PCDH15: variants seen among roughly 807,000 people sequenced by gnomAD.
PCDH15 encodes protocadherin related 15, also known as protocadherin-15.
PCDH15 carries 129 observed loss-of-function variants against 178.5 expected under a neutral mutation model. The observed-to-expected ratio is 0.72, with a 90% CI of 0.63 to 0.84. The LOEUF (loss-of-function observed/expected upper bound fraction) is 0.84, where lower values mean the gene tolerates loss of function less well. PCDH15 is among the 40% of genes least tolerant of loss of function. PCDH15 has a pLI of 0.00. For missense variants in PCDH15, 2,230 were observed against 2,099.9 expected, an observed-to-expected ratio of 1.06 and a Z score of -1.21; for synonymous variants, 800 against 732.0, an observed-to-expected ratio of 1.09 and a Z score of -1.50.
chr10:54,515,437 G>A (rs1270803080), intron 3 of PCDH15, among the ~76,000 whole-genome samples: 1 of 152,192 alleles, frequency 6.6e-6, no homozygotes, highest in Non-Finnish European at 1.5e-5. Flanking sequence ...AGGGGCGCTG[G>A]CCATTGCCGA....
intron 8 of PCDH15, among the ~76,000 whole-genome samples, chr10:54,295,457 T>C (rs2384441): frequency 0.72 from 110,056 of 151,956 alleles, 40,837 homozygotes; most frequent in Middle Eastern, 0.82. Flanking sequence ...TTTGGCTCTT[T>C]GCAATAAATC....
At chr10:54,060,236 T>C (rs1266993145) in intron 18 of PCDH15, among the ~76,000 whole-genome samples, 1 of 152,200 alleles carries the variant, frequency 6.6e-6, no homozygotes, top group Non-Finnish European at 1.5e-5. Context: ...TGACTATGAT[T>C]GTTTGTAGTG....
intron 2 of PCDH15, among the ~76,000 whole-genome samples, chr10:55,072,515 C>T (rs1841776072): frequency 1.3e-5 from 2 of 152,072 alleles, no homozygotes; most frequent in African/African-American, 4.8e-5. Flanking sequence ...GGATAAATTC[C>T]TCGACACATA....
chr10:55,528,418 T>A (rs927484749), intron 2 of PCDH15, among the ~76,000 whole-genome samples: 1 of 151,942 alleles, frequency 6.6e-6, no homozygotes, highest in Non-Finnish European at 1.5e-5. Flanking sequence ...GATGTTCCCC[T>A]TCCTGTGTCC....
At chr10:54,607,131 T>A (rs944953730) in intron 2 of PCDH15, 3 of 152,124 alleles carry the variant, frequency 2.0e-5, no homozygotes, top group Non-Finnish European at 4.4e-5. Flanking sequence ...ATTGCAATTT[T>A]AAAAAATTAA....
At chr10:55,259,303 G>C (rs1420699839) in intron 1 of PCDH15, among the ~76,000 whole-genome samples, 1 of 152,114 alleles carries the variant, frequency 6.6e-6, no homozygotes, top group Non-Finnish European at 1.5e-5. Context: ...GAATAAATCT[G>C]ATAGAAAATT....
At chr10:55,376,916 G>C (rs1474468343) in intron 2 of PCDH15, among the ~76,000 whole-genome samples, 2 of 151,958 alleles carry the variant, frequency 1.3e-5, no homozygotes, top group Non-Finnish European at 2.9e-5. Flanking sequence ...GTCTAGGCAA[G>C]AATGTTAAAT....
At chr10:54,482,762 C>A (rs1378779133) in intron 3 of PCDH15, among the ~76,000 whole-genome samples, 1 of 151,844 alleles carries the variant, frequency 6.6e-6, no homozygotes, top group Non-Finnish European at 1.5e-5. Flanking sequence ...CCATATATCA[C>A]CCCTCACACA....
intron 3 of PCDH15, among the ~76,000 whole-genome samples, chr10:54,414,063 T>C (rs544716833): frequency 2.6e-4 from 39 of 152,240 alleles, no homozygotes; most frequent in Non-Finnish European, 5.1e-4. Context: ...AAACAACACT[T>C]GTACCCCTTA....
At chr10:54,618,173 T>C (rs992938512) in intron 2 of PCDH15, among the ~76,000 whole-genome samples, 1 of 152,094 alleles carries the variant, frequency 6.6e-6, no homozygotes, top group Non-Finnish European at 1.5e-5. Flanking sequence ...ATAGACAAAG[T>C]ATGTAGATTA....
chr10:55,330,589 A>T (rs1844174511), intron 2 of PCDH15, among the ~76,000 whole-genome samples: 1 of 151,880 alleles, frequency 6.6e-6, no homozygotes, highest in South Asian at 2.1e-4. Flanking sequence ...TGTTATTTTT[A>T]ACATAAATTA....
At chr10:54,763,114 A>G (rs1948091628) in intron 1 of PCDH15, among the ~76,000 whole-genome samples, 2 of 152,260 alleles carry the variant, frequency 1.3e-5, no homozygotes, top group South Asian at 4.1e-4. Flanking sequence ...AGGGAGGCTC[A>G]TTTTGAGGAT....
At chr10:55,329,699 A>T (rs551848391) in intron 2 of PCDH15, among the ~76,000 whole-genome samples, 3 of 151,926 alleles carry the variant, frequency 2.0e-5, no homozygotes, top group African/African-American at 7.2e-5. Context: ...AAGTCTCAAT[A>T]AAGGGAGAGA....
chr10:55,169,332 A>C (rs557400090), intron 1 of PCDH15, among the ~76,000 whole-genome samples: 2 of 152,328 alleles, frequency 1.3e-5, no homozygotes, highest in South Asian at 4.1e-4. Context: ...TCAATTAAAA[A>C]ATCAATTGCT....
chr10:54,766,403 T>C (rs1948512922), intron 1 of PCDH15, among the ~76,000 whole-genome samples: 1 of 152,148 alleles, frequency 6.6e-6, no homozygotes, highest in African/African-American at 2.4e-5. Flanking sequence ...TTGATGCTTC[T>C]GCTTTAAATT....
intron 21 of PCDH15, chr10:53,994,524 AT>A (rs1474126739): frequency 6.6e-6 from 1 of 152,132 alleles, no homozygotes; most frequent in Non-Finnish European, 1.5e-5. Flanking sequence ...CATATTCCTA[AT>A]TTCAAAGTAA....
At position 53,805,821 on chromosome 10, in the gene PCDH15, G is replaced by A. The variant is rs188656860; in HGVS notation, c.*758C>T. 1 of 152,104 alleles carries A rather than the reference G, an allele frequency of 6.6e-6. No individual in the cohort carries two copies. Among genetic ancestry groups the A allele is most frequent in the African/African-American group, 2.4e-5 (1 of 41,504 alleles). 9.4% of individuals were successfully genotyped at this position (152,104 alleles called of 1,614,324 possible). A position where few individuals can be genotyped will look rare whatever the true frequency, so the allele number is the denominator to read the frequency against. ...CTTTTGCTAAGGGTGAGATTTCCAT[G>A]TTGCTCCAAACAATTATTTAACCTC... On this transcript the variant is annotated 3_prime_UTR_variant, in exon 38 of 38. Transcript: ENST00000644397.
chr10:54,669,783 T>G (rs2094628728), intron 1 of PCDH15, among the ~76,000 whole-genome samples: 1 of 151,212 alleles, frequency 6.6e-6, no homozygotes, highest in Admixed American at 6.7e-5. Flanking sequence ...CCAGGCGCGG[T>G]GGATCACACC....
upstream of PCDH15, among the ~76,000 whole-genome samples, chr10:54,803,911 T>A (rs1489443939): frequency 6.6e-6 from 1 of 152,088 alleles, no homozygotes; most frequent in East Asian, 1.9e-4. Context: ...AATCATTAAA[T>A]CTATCAACTA....
Sources: allele counts gnomAD v4.1 joint callset (sites outside exome capture counted in the v4.1 genomes callset), GRCh38; gene constraint gnomAD v4.1.1; transcripts MANE v1.5; gene names NCBI Gene and HGNC (gene_info 2026-07-23, HGNC 2026-07-21).